BABAM2: variants seen among roughly 807,000 people sequenced by gnomAD.
The protein encoded by BABAM2 is BRISC and BRCA1 A complex member 2, also known as BRISC and BRCA1-A complex member 2.
A neutral mutation model predicts 54.7 loss-of-function variants in BABAM2; 31 were observed. That is an observed-to-expected ratio of 0.57 (90% CI 0.43 to 0.77). The LOEUF is 0.77. Ranked by LOEUF, BABAM2 falls within the 30% of genes least tolerant of loss-of-function variation. The probability of loss-of-function intolerance (pLI) is 0.00; values close to 1 mark genes in which losing one functional copy is unlikely to be tolerated. For missense variants in BABAM2, 364 were observed against 455.8 expected (o/e 0.80, Z 1.83); for synonymous variants, 167 against 162.9 (o/e 1.03, Z -0.19).
intron 7 of BABAM2, among the ~76,000 whole-genome samples, chr2:28,177,436 A>T (rs562099026): frequency 6.7e-4 from 101 of 150,110 alleles, no homozygotes; most frequent in African/African-American, 2.5e-3. Flanking sequence ...TGAAAGGACA[A>T]TATCTATCAT....
chr2:28,287,375 G>A (rs1346442060), intron 10 of BABAM2, among the ~76,000 whole-genome samples: 1 of 152,120 alleles, frequency 6.6e-6, no homozygotes, highest in Non-Finnish European at 1.5e-5. Context: ...AGTACTAAAT[G>A]CTATTTATGG....
intron 10 of BABAM2, among the ~76,000 whole-genome samples, chr2:28,259,074 CTTTTTTTTT>C (rs70956009): frequency 7.3e-4 from 17 of 23,438 alleles, no homozygotes; most frequent in African/African-American, 2.3e-3. Context: ...TGCACCTGGC[CTTTTTTTTT>C]TTTTTTTTTT....
intron 7 of BABAM2, among the ~76,000 whole-genome samples, chr2:28,226,138 C>A (rs1166444044): frequency 6.6e-6 from 1 of 152,194 alleles, no homozygotes; most frequent in African/African-American, 2.4e-5. Context: ...TGTTGGAACA[C>A]AGCCGTGCTC....
chr2:27,923,049 TCATGGGAG>T (rs1033040628), intron 2 of BABAM2, among the ~76,000 whole-genome samples: 2 of 152,194 alleles, frequency 1.3e-5, no homozygotes, highest in Non-Finnish European at 2.9e-5. Flanking sequence ...GACAGCAGCT[TCATGGGAG>T]ACCTTAAGCT....
At chr2:28,266,818 CTT>C (rs1208968601) in intron 10 of BABAM2, among the ~76,000 whole-genome samples, 10 of 152,172 alleles carry the variant, frequency 6.6e-5, no homozygotes, top group East Asian at 5.8e-4. Flanking sequence ...GTTGTTAAAA[CTT>C]TTTATTTTGG....
At chr2:28,033,708 G>A (rs1014020219) in intron 5 of BABAM2, among the ~76,000 whole-genome samples, 6 of 151,932 alleles carry the variant, frequency 3.9e-5, no homozygotes, top group Admixed American at 2.6e-4. Flanking sequence ...TTGCAACAAA[G>A]CACAATAAGC....
upstream of BABAM2, chr2:27,890,408 C>T: frequency 6.7e-7 from 1 of 1,496,392 alleles, no homozygotes; most frequent in Non-Finnish European, 9.1e-7. The surrounding 1 kb of genome is among the most constrained non-coding windows in gnomAD (Gnocchi z 4.8). Context: ...ACCCCGTAAC[C>T]AGAGACGCCA....
At chr2:28,261,338 T>C (rs953210739) in intron 10 of BABAM2, among the ~76,000 whole-genome samples, 2 of 151,598 alleles carry the variant, frequency 1.3e-5, no homozygotes, top group African/African-American at 4.8e-5. Flanking sequence ...ATTTTTTTTT[T>C]TTTTTTGAGG....
chr2:28,041,022 A>G (rs1046084010), intron 5 of BABAM2, among the ~76,000 whole-genome samples: 3 of 152,238 alleles, frequency 2.0e-5, no homozygotes, highest in African/African-American at 7.2e-5. Context: ...TACAAGCTAA[A>G]ATAGGGCAAA....
At chr2:28,092,199 T>C (rs1420099831) in intron 6 of BABAM2, among the ~76,000 whole-genome samples, 1 of 152,176 alleles carries the variant, frequency 6.6e-6, no homozygotes, top group Non-Finnish European at 1.5e-5. Flanking sequence ...GACTTTTCTA[T>C]TCAACTTTGT....
rs1664769313 is a variant in BABAM2 at position 27,890,916 on chromosome 2, A to C, written c.-25+74A>C. The C allele has an allele frequency of 6.6e-6, 1 of 152,568 alleles. No homozygotes were observed. Among genetic ancestry groups the C allele is most frequent in the African/African-American group, 2.4e-5 (1 of 41,394 alleles). 9.5% of individuals were successfully genotyped at this position (152,568 alleles called of 1,614,324 possible). ...GGTGGCGTGGAGAACTGTGGTTTAAATATGGCCAGGGGACTCGCCTCCTCT... is the reference window on the plus strand; with the variant it reads ...GGTGGCGTGGAGAACTGTGGTTTAACTATGGCCAGGGGACTCGCCTCCTCT... On this transcript the variant is annotated intron_variant, in intron 1 of 11. Coordinates refer to ENST00000379624, the MANE Select transcript of BABAM2 (RefSeq NM_199191.3). The surrounding 1 kb of genome is among the most constrained non-coding windows in gnomAD (Gnocchi z 4.8).
At chr2:28,170,330 A>G (rs1674186818) in intron 7 of BABAM2, among the ~76,000 whole-genome samples, 1 of 151,958 alleles carries the variant, frequency 6.6e-6, no homozygotes, top group African/African-American at 2.4e-5. Context: ...TATTGTTTTA[A>G]TTTTTCTCTT....
At chr2:27,912,042 A>G (rs1666643207) in intron 2 of BABAM2, among the ~76,000 whole-genome samples, 1 of 152,188 alleles carries the variant, frequency 6.6e-6, no homozygotes, top group Non-Finnish European at 1.5e-5. Flanking sequence ...GCCTAATTCC[A>G]GAAACTGGCC....
intron 2 of BABAM2, among the ~76,000 whole-genome samples, chr2:27,899,719 G>A (rs935537106): frequency 2.1e-4 from 32 of 152,200 alleles, no homozygotes; most frequent in African/African-American, 6.3e-4. Context: ...TACCCACCTT[G>A]GCCTCCCAAA....
At chr2:28,045,090 G>C (rs1677456519) in intron 5 of BABAM2, among the ~76,000 whole-genome samples, 1 of 151,992 alleles carries the variant, frequency 6.6e-6, no homozygotes, top group African/African-American at 2.4e-5. Context: ...TTAGCAAATA[G>C]AAGCTATTAT....
chr2:28,193,114 G>A (rs1223977081), intron 7 of BABAM2, among the ~76,000 whole-genome samples: 1 of 152,040 alleles, frequency 6.6e-6, no homozygotes, highest in East Asian at 1.9e-4. Flanking sequence ...AGATTGCAGT[G>A]AGCCGAGATC....
intron 6 of BABAM2, among the ~76,000 whole-genome samples, chr2:28,085,175 G>C (rs1665528971): frequency 6.6e-6 from 1 of 152,204 alleles, no homozygotes; most frequent in South Asian, 2.1e-4. Context: ...ACAAATTTCA[G>C]TTGGGGATGA....
At chr2:28,030,319 A>G (rs1040437203) in intron 5 of BABAM2, among the ~76,000 whole-genome samples, 7 of 152,162 alleles carry the variant, frequency 4.6e-5, no homozygotes, top group African/African-American at 1.4e-4. Flanking sequence ...AAAACCTACT[A>G]CTGCTACACT....
Position 28,325,392 on chromosome 2 carries a change from T to C in BABAM2, c.1089-13058T>C, listed in dbSNP as rs79873426. ...CTCTACTGCATGATTACAGAAGACT[T>C]GTAAGGCCCCCTCCTGCCAGACGTT... is the stretch of plus-strand genomic sequence containing the variant. On this transcript the variant is annotated intron_variant, in intron 11 of 11. Coordinates refer to ENST00000379624, the MANE Select transcript of BABAM2 (RefSeq NM_199191.3). This position sits in a 1 kb window ranked among gnomAD's most constrained non-coding sequence, Gnocchi z 4.3. Among the ~76,000 whole-genome samples, 4,250 of 152,222 alleles carry C rather than the reference T, an allele frequency of 0.028. 141 individuals carry two copies. The highest frequency in any genetic ancestry group is 0.07 in the African/African-American group (2,907 of 41,512).
Sources: allele counts gnomAD v4.1 joint callset (sites outside exome capture counted in the v4.1 genomes callset), GRCh38; gene constraint gnomAD v4.1.1; non-coding constraint Gnocchi (gnomAD v3.1); transcripts MANE v1.5; gene names NCBI Gene and HGNC (gene_info 2026-07-23, HGNC 2026-07-21).